The following NARS2 variants were observed in gnomAD, a reference collection of about 807,000 sequenced individuals.
NARS2 encodes asparaginyl-tRNA synthetase.
A neutral mutation model predicts 62.9 loss-of-function variants in NARS2; 60 were observed. The ratio of observed to expected loss-of-function variants is 0.95; its 90% CI spans 0.77 to 1.18. The LOEUF is 1.18. Among genes scored for constraint, NARS2 ranks in the 50% most tolerant of loss-of-function variants. The pLI is 0.00. For synonymous variants in NARS2, 196 were observed against 200.0 expected, an observed-to-expected ratio of 0.98 and a Z score of 0.17; for missense variants, 619 against 576.4, an observed-to-expected ratio of 1.07 and a Z score of -0.76.
intron 6 of NARS2, among the ~76,000 whole-genome samples, chr11:78,494,636 G>A (rs1056469378): frequency 1.3e-5 from 2 of 152,104 alleles, no homozygotes; most frequent in African/African-American, 2.4e-5. Context: ...CTAAGACCAT[G>A]ATCTGCTAAC....
rs1856914341 is a variant in NARS2, at chr11:78,571,346, G to C, written c.240C>G (p.Gly80=). The C allele has an allele frequency of 5.0e-6, 8 of 1,610,206 alleles. No individual in the cohort carries two copies. Among genetic ancestry groups the C allele is most frequent in the Non-Finnish European group, 5.9e-6 (7 of 1,176,806 alleles). ...LESLQVVADS[G]LDSRELNFGS... ...AAAACAAAACTCACCTACTGTCAAG[G>C]CCTGAATCTGCAACAACCTGAAGGC... is the stretch of plus-strand genomic sequence containing the variant. Residue 80 remains glycine, a synonymous_variant, in exon 2 of 14, where the codon GGC becomes GGG. Transcript: ENST00000281038.
intron 6 of NARS2, among the ~76,000 whole-genome samples, chr11:78,516,039 G>A (rs968473724): frequency 5.3e-5 from 8 of 152,116 alleles, no homozygotes; most frequent in African/African-American, 1.9e-4. Context: ...GAAAAGTTGG[G>A]CTATAAAGGA....
intron 13 of NARS2, among the ~76,000 whole-genome samples, chr11:78,437,652 G>T (rs941057160): frequency 6.6e-6 from 1 of 152,058 alleles, no homozygotes; most frequent in Admixed American, 6.6e-5. Flanking sequence ...CATTTTGTGG[G>T]GAAATTCTTG....
At chr11:78,466,629 C>T (rs760716771) in intron 10 of NARS2, among the ~76,000 whole-genome samples, 2 of 151,948 alleles carry the variant, frequency 1.3e-5, no homozygotes, top group Non-Finnish European at 2.9e-5. Flanking sequence ...TTCAGGTGCC[C>T]GCCACCATGC....
chr11:78,512,919 G>T (rs763724542), intron 6 of NARS2, among the ~76,000 whole-genome samples: 2 of 152,096 alleles, frequency 1.3e-5, no homozygotes, highest in Non-Finnish European at 2.9e-5. Flanking sequence ...TATTCTTTGT[G>T]TTACAAACAA....
chr11:78,565,933 C>G (rs922430417), intron 4 of NARS2, among the ~76,000 whole-genome samples, 199 bp downstream of exon 4: 1 of 152,154 alleles, frequency 6.6e-6, no homozygotes, highest in Non-Finnish European at 1.5e-5. Context: ...CCACAACACC[C>G]AACAAGGTAA....
intron 5 of NARS2, among the ~76,000 whole-genome samples, chr11:78,537,004 G>A (rs975236647): frequency 2.6e-5 from 4 of 152,102 alleles, no homozygotes; most frequent in Admixed American, 2.6e-4. Flanking sequence ...AGGGTATTCA[G>A]TACAGCAACA....
intron 6 of NARS2, among the ~76,000 whole-genome samples, chr11:78,510,613 T>C (rs1003627837): frequency 6.6e-6 from 1 of 152,160 alleles, no homozygotes; most frequent in African/African-American, 2.4e-5. Context: ...AACAAACATA[T>C]ACAGAACACT....
rs201127411 is a variant in NARS2 at position 78,491,897 on chromosome 11, T to C, written c.822+1166A>G. Among the ~76,000 whole-genome samples, 29 of 152,274 alleles carry C rather than the reference T, an allele frequency of 1.9e-4. No individual in the cohort carries two copies. In the East Asian group the frequency reaches 5.0e-3, roughly 26 times the overall value. ...ATGTTTTAAGTGGAAATAGGTCATT[T>C]ACTGGGTAAGAGTAGAAAGACATAG... On this transcript the variant is annotated intron_variant, in intron 7 of 13. Coordinates refer to ENST00000281038, the MANE Select transcript of NARS2 (RefSeq NM_024678.6).
At chr11:78,521,166 CTTTTT>C (rs965232875) in intron 6 of NARS2, among the ~76,000 whole-genome samples, 5 of 135,368 alleles carry the variant, frequency 3.7e-5, no homozygotes, top group African/African-American at 5.5e-5. Flanking sequence ...CTCTCTCTTT[CTTTTT>C]TTTTTTTTTA....
intron 12 of NARS2, 101 bp downstream of exon 12, chr11:78,443,560 C>T (rs1260152665): frequency 2.9e-5 from 19 of 654,034 alleles, no homozygotes; most frequent in Non-Finnish European, 4.2e-5. Context: ...TTCTGTCAGG[C>T]GCCGAGGCCC....
intron 5 of NARS2, among the ~76,000 whole-genome samples, chr11:78,545,306 T>C (rs1212882945): frequency 1.3e-5 from 2 of 152,090 alleles, no homozygotes; most frequent in African/African-American, 2.4e-5. Context: ...CACTCACATA[T>C]ATAATTTGCA....
At chr11:78,457,484 G>A (rs1005979785) in intron 11 of NARS2, among the ~76,000 whole-genome samples, 2 of 152,190 alleles carry the variant, frequency 1.3e-5, no homozygotes, top group African/African-American at 4.8e-5. Flanking sequence ...AGGGATAGAA[G>A]CAGGCACTTC....
intron 2 of NARS2, among the ~76,000 whole-genome samples, chr11:78,570,083 G>A (rs1267146959): frequency 6.6e-6 from 1 of 152,068 alleles, no homozygotes; most frequent in African/African-American, 2.4e-5. Flanking sequence ...CCAACTACTT[G>A]GGAGACTGAG....
chr11:78,540,645 C>A (rs1855575746), intron 5 of NARS2, among the ~76,000 whole-genome samples: 3 of 152,174 alleles, frequency 2.0e-5, no homozygotes, highest in Admixed American at 2.0e-4. Flanking sequence ...AAAGATGAAG[C>A]ATGGTTCAGA....
chr11:78,510,495 G>GA (rs1565248066), intron 6 of NARS2, among the ~76,000 whole-genome samples: 1 of 151,874 alleles, frequency 6.6e-6, no homozygotes, highest in Non-Finnish European at 1.5e-5. Flanking sequence ...GAATTGAAGG[G>GA]AAAAAACAGT....
chr11:78,534,870 AT>A (rs1425610579), intron 5 of NARS2, among the ~76,000 whole-genome samples: 1 of 152,232 alleles, frequency 6.6e-6, no homozygotes, highest in African/African-American at 2.4e-5. Flanking sequence ...AAAAACCTCC[AT>A]TTGTGTTAAT....
Position 78,459,304 on chromosome 11 carries a change from C to T in NARS2, c.1164+6572G>A, listed in dbSNP as rs866317025. Among the ~76,000 whole-genome samples the T allele has an allele frequency of 6.5e-4, 97 of 149,712 alleles. 3 individuals carry two copies. The highest frequency in any genetic ancestry group is 2.3e-3 in the African/African-American group (91 of 40,026). On this transcript the variant is annotated intron_variant, in intron 11 of 13. Transcript: ENST00000281038. ...TTTTAAATTGAGACAGAGTTTTGCTCTTGTTGCCCAGGCTGGAGTACAATG... is the reference window on the plus strand; with the variant it reads ...TTTTAAATTGAGACAGAGTTTTGCTTTTGTTGCCCAGGCTGGAGTACAATG...
At chr11:78,439,486 T>C (rs1051981327) in intron 13 of NARS2, among the ~76,000 whole-genome samples, 1 of 152,166 alleles carries the variant, frequency 6.6e-6, no homozygotes, top group African/African-American at 2.4e-5. Flanking sequence ...GGTAGGAAAC[T>C]AGCATTTACT....
Sources: gnomAD v4.1 joint callset for allele counts (sites outside exome capture counted in the v4.1 genomes callset) on GRCh38, gnomAD v4.1.1 for gene constraint, MANE v1.5 for transcripts, NCBI Gene and HGNC (gene_info 2026-07-23, HGNC 2026-07-21) for gene names.